NINL: variants seen among roughly 807,000 people sequenced by gnomAD.
NINL encodes ninein like.
NINL carries 153 observed loss-of-function variants against 160.3 expected under a neutral mutation model. The observed-to-expected ratio is 0.95, with a 90% CI of 0.84 to 1.09. NINL has a LOEUF of 1.09. Among genes scored for constraint, NINL ranks in the 50% least tolerant of loss-of-function variants. The pLI, the probability that NINL is intolerant of heterozygous loss-of-function variation, is 0.00. For synonymous variants in NINL, 800 were observed against 734.8 expected (o/e 1.09, Z -1.43); for missense variants, 1,829 against 1,764.0 (o/e 1.04, Z -0.66).
chr20:25,481,733 G>C, intron 14 of NINL: 1 of 587,622 alleles, frequency 1.7e-6, no homozygotes, highest in Non-Finnish European at 3.0e-6. Flanking sequence ...GCCAGCCCTG[G>C]GGCTGCCCAC....
chr20:25,496,550 T>C, intron 10 of NINL, 113 bp downstream of exon 10: 1 of 1,303,902 alleles, frequency 7.7e-7, no homozygotes, highest in Non-Finnish European at 1.1e-6. Context: ...TAGGGGGGTC[T>C]CCACTGAGCC....
chr20:25,529,257 A>G (rs1213179623), intron 1 of NINL, among the ~76,000 whole-genome samples: 1 of 152,094 alleles, frequency 6.6e-6, no homozygotes, highest in Non-Finnish European at 1.5e-5. Context: ...TGGGTGACAG[A>G]GCAAGATCTT....
rs2063855535 is a variant in NINL, at chr20:25,500,946, A to G, written c.926T>C (p.Leu309Pro). The change falls in exon 8 of 24, where the codon CTG (leucine) becomes CCG (proline). Residue 309 changes from leucine to proline, a missense_variant. Leu to Pro is a moderately conservative substitution (Grantham distance 98, BLOSUM62 -3). Transcript: ENST00000278886. Reference protein sequence around the residue: ...TSSLVSLCSSLRLFSSIDDGS... With the variant: ...TSSLVSLCSSPRLFSSIDDGS... ...ATCGTCAATGCTGGAGAAGAGGCGCAGGCTGGAGCACAGGGACACGAGGGA... is the reference window on the plus strand; with the variant it reads ...ATCGTCAATGCTGGAGAAGAGGCGCGGGCTGGAGCACAGGGACACGAGGGA... 5 of 1,614,096 alleles carry G rather than the reference A, an allele frequency of 3.1e-6. No individual in the cohort carries two copies. Among genetic ancestry groups the G allele is most frequent in the Non-Finnish European group, 4.2e-6 (5 of 1,180,046 alleles).
chr20:25,467,690 GAAACTGTCGGATTACTAGAGAGCCTCT>G (rs1443933699), intron 18 of NINL, among the ~76,000 whole-genome samples: 1 of 152,170 alleles, frequency 6.6e-6, no homozygotes, highest in Admixed American at 6.5e-5. Flanking sequence ...TTAGGAATGT[GAAACTGTCGGATTACTAGAGAGCCTCT>G]AGTAATCTAC....
chr20:25,499,553 T>C (rs1277266593), intron 8 of NINL, among the ~76,000 whole-genome samples: 1 of 152,058 alleles, frequency 6.6e-6, no homozygotes, highest in African/African-American at 2.4e-5. Context: ...CTCTCTGCCC[T>C]TCCTGCAAGC....
chr20:25,561,738 G>A (rs1405421689), intron 1 of NINL, among the ~76,000 whole-genome samples: 2 of 146,552 alleles, frequency 1.4e-5, no homozygotes, highest in Admixed American at 6.7e-5. Context: ...CCGTCTGGGA[G>A]GTTAGGAGCG....
At chr20:25,555,032 C>T (rs531545846) in intron 1 of NINL, among the ~76,000 whole-genome samples, 1 of 152,172 alleles carries the variant, frequency 6.6e-6, no homozygotes, top group African/African-American at 2.4e-5. Context: ...ATCAGCACCC[C>T]GGTAACAACC....
intron 1 of NINL, among the ~76,000 whole-genome samples, chr20:25,580,549 G>A (rs1026019065): frequency 5.9e-5 from 9 of 152,160 alleles, no homozygotes; most frequent in African/African-American, 2.2e-4. Context: ...GATGATGGAA[G>A]GCTCCATTAT....
At chr20:25,584,164 C>CAAAA (rs1176033766) in intron 1 of NINL, among the ~76,000 whole-genome samples, 9 of 151,922 alleles carry the variant, frequency 5.9e-5, no homozygotes, top group Non-Finnish European at 1.2e-4. Flanking sequence ...AATTAAAAAA[C>CAAAA]AAAAACAAAA....
chr20:25,514,174 G>C (rs1460771081), intron 3 of NINL, among the ~76,000 whole-genome samples: 1 of 152,212 alleles, frequency 6.6e-6, no homozygotes, highest in Non-Finnish European at 1.5e-5. Flanking sequence ...CCAGACTGCA[G>C]TGGTCTCAAA....
In NINL at chr20:25,460,876, C is replaced by T. The variant is rs549367941; in HGVS notation, c.3696+646G>A. Among the ~76,000 whole-genome samples, 12 of 152,278 alleles carry T rather than the reference C, an allele frequency of 7.9e-5. No homozygotes were observed. The South Asian group carries it at 1.7e-3, about 21-fold the overall frequency. ...TGTAGCCAAGCTTCCAAGTGTGCCC[C>T]GCACCTGTGTCCACACTGGGCACTC... On this transcript the variant is annotated intron_variant, in intron 21 of 23. Transcript: ENST00000278886.
At chr20:25,483,975 G>A (rs762143014) in intron 13 of NINL, among the ~76,000 whole-genome samples, 2 of 152,152 alleles carry the variant, frequency 1.3e-5, no homozygotes, top group Admixed American at 6.5e-5. Flanking sequence ...CCAGGAACAC[G>A]ACATCCACCC....
chr20:25,584,829 TCAGAG>T (rs1337272417), intron 1 of NINL, among the ~76,000 whole-genome samples: 1 of 152,182 alleles, frequency 6.6e-6, no homozygotes, highest in Non-Finnish European at 1.5e-5. Flanking sequence ...CCCAACGCGA[TCAGAG>T]ACTCCCACAT....
intron 1 of NINL, among the ~76,000 whole-genome samples, chr20:25,560,369 A>G (rs2064920201): frequency 6.6e-6 from 1 of 152,186 alleles, no homozygotes; most frequent in Non-Finnish European, 1.5e-5. Flanking sequence ...ATTCATTTCC[A>G]ACTTCCTACG....
chr20:25,534,816 C>T (rs1271865967), intron 1 of NINL, among the ~76,000 whole-genome samples: 1 of 152,142 alleles, frequency 6.6e-6, no homozygotes, highest in Non-Finnish European at 1.5e-5. Context: ...TTGCCTATAA[C>T]CTATGCATAT....
In NINL at chr20:25,543,276, G is replaced by T. The variant is rs188281143; in HGVS notation, c.-11-16678C>A. 2.0e-5 allele frequency among the ~76,000 whole-genome samples: 3 copies of T among 152,132 alleles called. No homozygotes were observed. The East Asian group carries it at 5.8e-4, about 30-fold the overall frequency. On this transcript the variant is annotated intron_variant, in intron 1 of 23. Coordinates refer to ENST00000278886, the MANE Select transcript of NINL (RefSeq NM_025176.6). ...ACTTAAAAATCAGTTGCAGCCGGGT[G>T]TGGTGACTCATGCCTGTAATCCCAG... is the stretch of plus-strand genomic sequence containing the variant.
intron 4 of NINL, among the ~76,000 whole-genome samples, chr20:25,512,426 T>C (rs1267363977): frequency 2.6e-5 from 4 of 152,226 alleles, no homozygotes; most frequent in East Asian, 3.8e-4. Flanking sequence ...GGATTCATGA[T>C]AGTGAGTTCT....
At chr20:25,541,622 G>C (rs2064663945) in intron 1 of NINL, among the ~76,000 whole-genome samples, 1 of 152,182 alleles carries the variant, frequency 6.6e-6, no homozygotes, top group Admixed American at 6.5e-5. Flanking sequence ...TTATAGACAT[G>C]AGATTATCCA....
intron 1 of NINL, among the ~76,000 whole-genome samples, chr20:25,579,314 G>A (rs570970053): frequency 3.3e-5 from 5 of 152,236 alleles, no homozygotes; most frequent in South Asian, 2.1e-4. Context: ...GTACACCCCG[G>A]CTCAGCCTCC....
Sources: gnomAD v4.1 joint callset for allele counts (sites outside exome capture counted in the v4.1 genomes callset) on GRCh38, gnomAD v4.1.1 for gene constraint, MANE v1.5 for transcripts, NCBI Gene and HGNC (gene_info 2026-07-23, HGNC 2026-07-21) for gene names.